Variants in ERC1 observed in about 807,000 individuals in gnomAD.
ERC1 encodes the protein ELKS/RAB6-interacting/CAST family member 1, also known as RAB6 interacting protein 2.
ERC1 carries 56 observed loss-of-function variants against 132.0 expected under a neutral mutation model. The observed-to-expected ratio is 0.42, with a 90% CI of 0.34 to 0.53. ERC1 has a LOEUF of 0.53. Among genes scored for constraint, ERC1 ranks in the 20% least tolerant of loss-of-function variants. The probability of loss-of-function intolerance (pLI) is 0.03; values close to 1 mark genes in which losing one functional copy is unlikely to be tolerated. For synonymous variants in ERC1, 478 were observed against 476.1 expected, an observed-to-expected ratio of 1.00 and a Z score of -0.05; for missense variants, 1,202 against 1,349.9, an observed-to-expected ratio of 0.89 and a Z score of 1.72.
intron 15 of ERC1, among the ~76,000 whole-genome samples, chr12:1,290,699 C>T (rs1197964480): frequency 2.0e-5 from 3 of 152,198 alleles, no homozygotes; most frequent in Admixed American, 6.5e-5. Flanking sequence ...CCTAATCCTT[C>T]CCCTTACCTA....
intron 17 of ERC1, among the ~76,000 whole-genome samples, chr12:1,416,384 G>C (rs1203925787): frequency 6.6e-6 from 1 of 152,130 alleles, no homozygotes; most frequent in Non-Finnish European, 1.5e-5. Flanking sequence ...ACTTCAAGGA[G>C]GTTCCAACCT....
chr12:1,242,306 A>T (rs1054551120), intron 13 of ERC1, among the ~76,000 whole-genome samples: 3 of 152,194 alleles, frequency 2.0e-5, no homozygotes, highest in Admixed American at 6.5e-5. Flanking sequence ...TAACTTAAAG[A>T]ATATTATCAC....
chr12:1,380,742 C>G (rs1004837706), intron 16 of ERC1: 1 of 152,450 alleles, frequency 6.6e-6, no homozygotes, highest in Non-Finnish European at 1.5e-5. Context: ...TTTTTGTCAC[C>G]TGCTTTGGGC....
At chr12:1,181,826 C>A in intron 9 of ERC1, 99 bp from the exon 10 acceptor site, 6 of 1,208,742 alleles carry the variant, frequency 5.0e-6, no homozygotes, top group Non-Finnish European at 4.5e-6. Context: ...TTACCATTGT[C>A]TTTTGAATAT....
Position 1,121,747 on chromosome 12 carries a change from C to A in ERC1, c.1569+5714C>A, listed in dbSNP as rs1342524685. On this transcript the variant is annotated intron_variant, in intron 7 of 18. Coordinates refer to ENST00000360905, the MANE Select transcript of ERC1 (RefSeq NM_178040.4). ...TATCTCTATCTCTATCTCTATCTAT[C>A]TCTATCTCTATCTCTATCTATCTCT... Among the ~76,000 whole-genome samples the A allele has an allele frequency of 4.4e-3, 24 of 5,404 alleles. 4 individuals are homozygous for A. The highest frequency in any genetic ancestry group is 6.8e-3 in the African/African-American group (21 of 3,106). The allele number at this position is 5,404 out of a possible 152,430, so 3.5% of individuals were successfully genotyped here.
chr12:1,495,080 T>C lies in ERC1; in HGVS notation c.*4850T>C, dbSNP rs561315061. 1 of 229,414 alleles carries C rather than the reference T, an allele frequency of 4.4e-6. No individual in the cohort carries two copies. Among genetic ancestry groups the C allele is most frequent in the South Asian group, 1.8e-4 (1 of 5,492 alleles). 14.2% of individuals were successfully genotyped at this position (229,414 alleles called of 1,614,324 possible). On this transcript the variant is annotated 3_prime_UTR_variant, in exon 19 of 19. Coordinates refer to ENST00000360905, the MANE Select transcript of ERC1 (RefSeq NM_178040.4). The stretch of plus-strand genomic sequence containing the variant: ...GACCTCTGGGTAGAGGTTTCACAGT[T>C]TGTGACCCCATAACCACCCTCACCC...
At chr12:1,235,765 A>T (rs2075372372) in intron 12 of ERC1, among the ~76,000 whole-genome samples, 1 of 152,156 alleles carries the variant, frequency 6.6e-6, no homozygotes, top group African/African-American at 2.4e-5. Context: ...CTTCTTGGAA[A>T]ATAAAATAAA....
At chr12:1,015,670 T>A (rs993833242) in intron 1 of ERC1, among the ~76,000 whole-genome samples, 1 of 152,228 alleles carries the variant, frequency 6.6e-6, no homozygotes, top group African/African-American at 2.4e-5. Context: ...AATTTTTGGT[T>A]TATTGTTCAT....
chr12:1,301,802 G>A (rs2080423234), intron 15 of ERC1, among the ~76,000 whole-genome samples: 1 of 151,926 alleles, frequency 6.6e-6, no homozygotes, highest in Admixed American at 6.6e-5. Flanking sequence ...ACCTTCACAT[G>A]TGCCCCTGAA....
intron 2 of ERC1, among the ~76,000 whole-genome samples, chr12:1,052,436 TAATA>T (rs1336113368): frequency 6.6e-6 from 1 of 152,202 alleles, no homozygotes; most frequent in Non-Finnish European, 1.5e-5. Flanking sequence ...TTTTTGGTGA[TAATA>T]AACCGCTGTG....
chr12:1,407,115 C>G (rs74724015), intron 16 of ERC1, among the ~76,000 whole-genome samples: 1 of 152,086 alleles, frequency 6.6e-6, no homozygotes, highest in Admixed American at 6.6e-5. Flanking sequence ...AAATTAACCA[C>G]TCACACAGAA....
chr12:1,100,158 CTT>C (rs970035942), intron 3 of ERC1, among the ~76,000 whole-genome samples: 3 of 152,010 alleles, frequency 2.0e-5, no homozygotes, highest in Non-Finnish European at 4.4e-5. Context: ...GAGACTTTGA[CTT>C]TTGAACAGAC....
At position 1,354,269 on chromosome 12, in the gene ERC1, A is replaced by G. The variant is rs562181744; in HGVS notation, c.2781-17564A>G. On this transcript the variant is annotated intron_variant, in intron 15 of 18. Transcript: ENST00000360905. ...CCAGGTGTGGTGGCTCATGCCTGCA[A>G]TCCCAGCACTTTGGGAGGCCGAGGT... 2.0e-5 allele frequency among the ~76,000 whole-genome samples: 3 copies of G among 152,140 alleles called. No individual in the cohort carries two copies. In the South Asian group the frequency reaches 6.3e-4, roughly 32 times the overall value.
chr12:1,305,046 C>T (rs750017116), intron 15 of ERC1, among the ~76,000 whole-genome samples: 40 of 152,096 alleles, frequency 2.6e-4, no homozygotes, highest in Admixed American at 4.6e-4. Flanking sequence ...TCCCAAAGTG[C>T]TGGGATTACA....
chr12:1,081,870 T>A (rs1197442842), intron 2 of ERC1, among the ~76,000 whole-genome samples: 1 of 151,860 alleles, frequency 6.6e-6, no homozygotes, highest in South Asian at 2.1e-4. Context: ...TACAGTAAAA[T>A]AAAAAAAGAG....
rs553361014 is a variant in ERC1, at chr12:1,494,638, G to A, written c.*4408G>A. On this transcript the variant is annotated 3_prime_UTR_variant, in exon 19 of 19. Coordinates refer to ENST00000360905, the MANE Select transcript of ERC1 (RefSeq NM_178040.4). Reference sequence around the variant, plus strand: ...GTAGGTACTTCTCCTGACTCTTGGGGGAGAAGTGGTTTTAGGGATTGATTT... The same window carrying A: ...GTAGGTACTTCTCCTGACTCTTGGGAGAGAAGTGGTTTTAGGGATTGATTT... 8.7e-5 allele frequency: 20 copies of A among 231,112 alleles called. No individual in the cohort carries two copies. The highest frequency in any genetic ancestry group is 1.5e-4 in the Non-Finnish European group (18 of 116,748). The allele number at this position is 231,112 out of a possible 1,614,324, so 14.3% of individuals were successfully genotyped here. A position where few individuals can be genotyped will look rare whatever the true frequency, so the allele number is the denominator to read the frequency against.
chr12:1,364,867 A>G (rs2154372012), intron 15 of ERC1, among the ~76,000 whole-genome samples: 1 of 152,376 alleles, frequency 6.6e-6, no homozygotes, highest in South Asian at 2.1e-4. Flanking sequence ...GGGAAGATCT[A>G]TAATTTTTTA....
chr12:1,275,077 G>T (rs1242176738), intron 14 of ERC1, among the ~76,000 whole-genome samples: 2 of 152,190 alleles, frequency 1.3e-5, no homozygotes, highest in Non-Finnish European at 2.9e-5. Flanking sequence ...GAGGTAGGCA[G>T]AAACCAGAAT....
intron 2 of ERC1, among the ~76,000 whole-genome samples, chr12:1,078,397 A>T (rs1023917913): frequency 2.0e-5 from 3 of 151,564 alleles, no homozygotes; most frequent in Non-Finnish European, 2.9e-5. Context: ...TGGTAGTGAA[A>T]TGCATTTTAA....
Sources: gnomAD v4.1 joint callset for allele counts (sites outside exome capture counted in the v4.1 genomes callset) on GRCh38, gnomAD v4.1.1 for gene constraint, MANE v1.5 for transcripts, NCBI Gene and HGNC (gene_info 2026-07-23, HGNC 2026-07-21) for gene names.